ZBTB40: variants seen among roughly 807,000 people sequenced by gnomAD.
ZBTB40 encodes the protein zinc finger and BTB domain containing 40, also known as zinc finger and BTB domain-containing protein 40.
Under a neutral mutation model 117.5 loss-of-function variants are expected in ZBTB40, and 60 were observed. The observed-to-expected ratio is 0.51, with a 90% CI of 0.41 to 0.63. The LOEUF is 0.63. Among genes scored for constraint, ZBTB40 ranks in the 30% least tolerant of loss-of-function variants. The pLI is 0.00. For missense variants in ZBTB40, 1,287 were observed against 1,498.5 expected (o/e 0.86, Z 2.33); for synonymous variants, 525 against 577.1 (o/e 0.91, Z 1.29).
intron 3 of ZBTB40, among the ~76,000 whole-genome samples, chr1:22,495,952 A>G (rs1638762469): frequency 6.6e-6 from 1 of 152,194 alleles, no homozygotes; most frequent in African/African-American, 2.4e-5. Flanking sequence ...GTAAAAACAA[A>G]CAAATAAAGG....
chr1:22,495,329 C>CT (rs1638743854), intron 3 of ZBTB40, among the ~76,000 whole-genome samples: 1 of 152,166 alleles, frequency 6.6e-6, no homozygotes, highest in Non-Finnish European at 1.5e-5. Flanking sequence ...CTCTTGGGTG[C>CT]TGGGATGGGA....
In ZBTB40 at chr1:22,465,148, T is replaced by C. The variant is rs375042967; in HGVS notation, c.-70+13144T>C. 7.2e-4 allele frequency among the ~76,000 whole-genome samples: 109 copies of C among 152,312 alleles called. No individual in the cohort carries two copies. In the South Asian group the frequency reaches 0.022, roughly 31 times the overall value. ...CCTCTGTAGGCAGGCAGGTTGTCTG[T>C]CGAGTGTTCAGCTCTCAGTAGAGAG... is the stretch of plus-strand genomic sequence containing the variant. On this transcript the variant is annotated intron_variant, in intron 1 of 17. Coordinates refer to ENST00000375647, the MANE Select transcript of ZBTB40 (RefSeq NM_014870.4).
At chr1:22,452,981 G>T (rs756880876) in intron 1 of ZBTB40, 2 of 152,242 alleles carry the variant, frequency 1.3e-5, no homozygotes, top group Non-Finnish European at 2.9e-5. Flanking sequence ...AAACGAGGAA[G>T]AAATTTGTTC....
At chr1:22,519,944 A>T in intron 13 of ZBTB40, 117 bp from the exon 14 acceptor site, 1 of 939,844 alleles carries the variant, frequency 1.1e-6, no homozygotes, top group Non-Finnish European at 1.7e-6. Context: ...CCTGTTACGT[A>T]AAGCAGAGTC....
chr1:22,499,561 T>A (rs963811588), intron 3 of ZBTB40, among the ~76,000 whole-genome samples: 1 of 152,218 alleles, frequency 6.6e-6, no homozygotes, highest in Non-Finnish European at 1.5e-5. Flanking sequence ...CATTTTTTGT[T>A]TATTATTTTT....
At chr1:22,434,191 T>G (rs950707771) in intron 1 of ZBTB40, among the ~76,000 whole-genome samples, 1 of 152,238 alleles carries the variant, frequency 6.6e-6, no homozygotes, top group African/African-American at 2.4e-5. Context: ...ATAATAATAC[T>G]ATGAATTAAT....
intron 1 of ZBTB40, among the ~76,000 whole-genome samples, chr1:22,442,392 A>G (rs913340491): frequency 5.3e-5 from 8 of 152,160 alleles, no homozygotes; most frequent in Non-Finnish European, 1.2e-4. Flanking sequence ...CCCTGAGCTT[A>G]CAAAATGATG....
At position 22,511,755 on chromosome 1, in the gene ZBTB40, A is replaced by C. The variant is rs1218986236; in HGVS notation, c.2082A>C (p.Glu694Asp). The change falls in exon 11 of 18, where the codon GAA becomes GAC. Residue 694 changes from glutamate to aspartate, a missense_variant. Transcript: ENST00000375647. ...NKFHLEANNK[E>D]DEKAAKEDSQ... The stretch of plus-strand genomic sequence containing the variant: ...TTCACCTTGAAGCCAACAACAAAGA[A>C]GATGAAAAGGCAGCCAAAGAAGACA... 13 of 1,608,546 alleles carry C rather than the reference A, an allele frequency of 8.1e-6. No homozygotes were observed. Among genetic ancestry groups the C allele is most frequent in the Non-Finnish European group, 1.0e-5 (12 of 1,178,542 alleles).
At chr1:22,455,302 G>T (rs992641429) in intron 1 of ZBTB40, among the ~76,000 whole-genome samples, 15 of 152,154 alleles carry the variant, frequency 9.9e-5, no homozygotes, top group Non-Finnish European at 2.1e-4. Flanking sequence ...AAACAGTATT[G>T]AATGCTTTGA....
At chr1:22,524,539 T>C in intron 17 of ZBTB40, 95 bp downstream of exon 17, 5 of 1,320,108 alleles carry the variant, frequency 3.8e-6, no homozygotes, top group South Asian at 1.3e-5. Context: ...GAGATACTCT[T>C]TGGGGATCTT....
Position 22,466,817 on chromosome 1 carries a change from A to G in ZBTB40, c.-70+14813A>G, listed in dbSNP as rs1641268347. The stretch of plus-strand genomic sequence containing the variant: ...TATGTATTCTGAATACTAGACCTTT[A>G]TCAGATATGTGATTTGAAAATACTT... On this transcript the variant is annotated intron_variant, in intron 1 of 17. Transcript: ENST00000375647. Among the ~76,000 whole-genome samples the G allele has an allele frequency of 2.0e-5, 3 of 151,564 alleles. No homozygotes were observed. In the Admixed American group the frequency reaches 2.0e-4, roughly 10 times the overall value.
rs1181841841 is a variant in ZBTB40 at position 22,511,687 on chromosome 1, A to G, written c.2014A>G (p.Lys672Glu). 9 of 1,610,668 alleles carry G rather than the reference A, an allele frequency of 5.6e-6. No individual in the cohort carries two copies. The highest frequency in any genetic ancestry group is 1.3e-5 in the African/African-American group (1 of 74,608). ...QELAYIGVLT[K>E]EDGEKETWKV... ...TCTCTTTTATGCAGGTGTCCTTACT[A>G]AGGAAGATGGAGAGAAGGAAACGTG... The change falls in exon 11 of 18, where the codon AAG becomes GAG. Residue 672 changes from lysine (K) to glutamate (E), a missense_variant. Transcript: ENST00000375647.
At chr1:22,524,475 T>G (rs778951844) in intron 17 of ZBTB40, 31 bp downstream of exon 17, 2 of 1,604,020 alleles carry the variant, frequency 1.2e-6, no homozygotes, top group Admixed American at 3.3e-5. Flanking sequence ...TACATTAGAA[T>G]GCTAATGCAT....
Position 22,511,220 on chromosome 1 carries a change from C to G in ZBTB40, c.1875C>G (p.Ser625=), listed in dbSNP as rs754154818. ...IPSETASPEA[S]LRAVLSRAME... is the part of the protein sequence containing the mutation. ...CTGAGACAGCCAGCCCTGAAGCTTC[C>G]CTGAGAGCAGTGCTGAGCAGAGCCA... The change falls in exon 10 of 18, where the codon TCC becomes TCG. Residue 625 remains serine, a synonymous_variant. Transcript: ENST00000375647. 2 of 1,613,864 alleles carry G rather than the reference C, an allele frequency of 1.2e-6. No individual in the cohort carries two copies. Among genetic ancestry groups the G allele is most frequent in the Admixed American group, 3.3e-5 (2 of 60,020 alleles).
intron 14 of ZBTB40, among the ~76,000 whole-genome samples, chr1:22,520,741 G>T (rs1639499162): frequency 6.6e-6 from 1 of 152,158 alleles, no homozygotes; most frequent in African/African-American, 2.4e-5. Context: ...GCCCCATATA[G>T]AACTAAAAAG....
At chr1:22,497,193 C>T (rs1015802473) in intron 3 of ZBTB40, among the ~76,000 whole-genome samples, 1 of 152,194 alleles carries the variant, frequency 6.6e-6, no homozygotes, top group Non-Finnish European at 1.5e-5. Flanking sequence ...AATTTTTCTA[C>T]TATTGATTTC....
chr1:22,513,101 C>T lies in ZBTB40; in HGVS notation c.2639C>T (p.Ala880Val). 1 of 1,614,098 alleles carries T rather than the reference C, an allele frequency of 6.2e-7. No individual in the cohort carries two copies. Among genetic ancestry groups the T allele is most frequent in the Non-Finnish European group, 8.5e-7 (1 of 1,180,006 alleles). Reference protein sequence around the residue: ...LMTFTQASALAYHTKKKHSEG... With the variant: ...LMTFTQASALVYHTKKKHSEG... ...ACCTTCACCCAGGCCTCCGCCCTGG[C>T]CTATCACACCAAGAAGAAGCACTCA... Residue 880 changes from alanine (A) to valine (V), a missense_variant, in exon 12 of 18, where the codon GCC (alanine) becomes GTC (valine). Transcript: ENST00000375647. The surrounding 1 kb of genome is among the most constrained non-coding windows in gnomAD (Gnocchi z 4.9).
chr1:22,461,958 T>A (rs1320287537), intron 1 of ZBTB40, among the ~76,000 whole-genome samples: 2 of 152,154 alleles, frequency 1.3e-5, no homozygotes, highest in Non-Finnish European at 2.9e-5. Context: ...CCACATGGGC[T>A]CCCACATCCT....
intron 1 of ZBTB40, among the ~76,000 whole-genome samples, chr1:22,456,867 C>T (rs1378581036): frequency 6.6e-6 from 1 of 152,226 alleles, no homozygotes; most frequent in Non-Finnish European, 1.5e-5. Context: ...ATAACTGTTT[C>T]TACTGATAGA....
Sources: allele counts gnomAD v4.1 joint callset (sites outside exome capture counted in the v4.1 genomes callset), GRCh38; gene constraint gnomAD v4.1.1; non-coding constraint Gnocchi (gnomAD v3.1); transcripts MANE v1.5; gene names NCBI Gene and HGNC (gene_info 2026-07-23, HGNC 2026-07-21).